Variants in CAMK1D observed in about 807,000 individuals in gnomAD.
The protein encoded by CAMK1D is calcium/calmodulin-dependent protein kinase type 1D.
Under a neutral mutation model 47.7 loss-of-function variants are expected in CAMK1D, and 9 were observed. The ratio of observed to expected loss-of-function variants is 0.19; its 90% CI spans 0.11 to 0.33. The LOEUF (loss-of-function observed/expected upper bound fraction) is 0.33. Among genes scored for constraint, CAMK1D ranks in the 10% least tolerant of loss-of-function variants. The pLI, the probability that CAMK1D is intolerant of heterozygous loss-of-function variation, is 1.00. For missense variants in CAMK1D, 291 were observed against 488.7 expected (o/e 0.60, Z 3.81); for synonymous variants, 184 against 184.9 (o/e 0.99, Z 0.04).
At chr10:12,473,308 G>A (rs1833804152) in intron 1 of CAMK1D, among the ~76,000 whole-genome samples, 1 of 152,046 alleles carries the variant, frequency 6.6e-6, no homozygotes, top group Admixed American at 6.6e-5. Context: ...TGGGTGTGGT[G>A]ATGTAATTCC....
chr10:12,734,580 A>T (rs1157804129), intron 3 of CAMK1D, among the ~76,000 whole-genome samples: 2 of 149,382 alleles, frequency 1.3e-5, no homozygotes, highest in East Asian at 3.9e-4. Context: ...GTATATATAT[A>T]TATAGACACA....
intron 8 of CAMK1D, among the ~76,000 whole-genome samples, chr10:12,823,260 C>T (rs1000667176): frequency 1.3e-5 from 2 of 152,208 alleles, no homozygotes; most frequent in Non-Finnish European, 2.9e-5. Context: ...CAGTTACCTT[C>T]CAGCCCATAA....
chr10:12,508,839 G>A (rs987866254), intron 1 of CAMK1D, among the ~76,000 whole-genome samples: 6 of 152,044 alleles, frequency 3.9e-5, no homozygotes, highest in East Asian at 1.9e-4. Context: ...ATGAAAATGC[G>A]GTGTCCTTCT....
chr10:12,500,135 G>A (rs1376970672), intron 1 of CAMK1D, among the ~76,000 whole-genome samples: 1 of 152,114 alleles, frequency 6.6e-6, no homozygotes, highest in Non-Finnish European at 1.5e-5. Context: ...GCGTAGTGGA[G>A]GGTGCCTGTA....
At chr10:12,579,181 T>G (rs368972266) in intron 2 of CAMK1D, among the ~76,000 whole-genome samples, 2 of 152,028 alleles carry the variant, frequency 1.3e-5, no homozygotes, top group Non-Finnish European at 2.9e-5. Flanking sequence ...AACAGCATGG[T>G]ATGGGCAGGG....
chr10:12,666,551 G>A (rs543832489), intron 2 of CAMK1D, among the ~76,000 whole-genome samples, 185 bp from the exon 3 acceptor site: 1 of 152,344 alleles, frequency 6.6e-6, no homozygotes, highest in African/African-American at 2.4e-5. Context: ...GAGGAATGGA[G>A]ATCAGGGAAG....
chr10:12,371,187 C>CCACTCACTCACT (rs370568920), intron 1 of CAMK1D, among the ~76,000 whole-genome samples: 49 of 151,994 alleles, frequency 3.2e-4, no homozygotes, highest in Admixed American at 4.6e-4. Context: ...CATTCACTCA[C>CCACTCACTCACT]CACTCACTCA....
rs139436790 is a variant in CAMK1D, at chr10:12,468,655, G to A, written c.93-84570G>A. 1.7e-3 allele frequency among the ~76,000 whole-genome samples: 259 copies of A among 152,290 alleles called. 1 individual carries two copies. The highest frequency in any genetic ancestry group is 6.0e-3 in the African/African-American group (251 of 41,544). On this transcript the variant is annotated intron_variant, in intron 1 of 10. Coordinates refer to ENST00000619168, the MANE Select transcript of CAMK1D (RefSeq NM_153498.4). ...TCTCTGGGGAGGGGCCAGCCCTCTG[G>A]TGGGGGCCCTTTGTGCCTATAACCC...
chr10:12,827,301 C>CTTTT (rs879536202), intron 10 of CAMK1D, among the ~76,000 whole-genome samples: 34,033 of 83,294 alleles, frequency 0.41, 4,705 homozygotes, highest in South Asian at 0.53. Context: ...CTTTCTTTCT[C>CTTTT]TCTCTTTTTC....
At chr10:12,742,090 C>T (rs1237565797) in intron 3 of CAMK1D, among the ~76,000 whole-genome samples, 2 of 152,174 alleles carry the variant, frequency 1.3e-5, no homozygotes, top group African/African-American at 4.8e-5. Flanking sequence ...CCTCTCTCTG[C>T]CTACGCCCAC....
intron 1 of CAMK1D, among the ~76,000 whole-genome samples, chr10:12,376,271 C>T (rs772381949): frequency 6.6e-6 from 1 of 151,900 alleles, no homozygotes; most frequent in Non-Finnish European, 1.5e-5. Context: ...GGGCCTTTAC[C>T]CCATCACCAA....
At chr10:12,619,479 G>A (rs751297414) in intron 2 of CAMK1D, among the ~76,000 whole-genome samples, 1 of 151,996 alleles carries the variant, frequency 6.6e-6, no homozygotes, top group Non-Finnish European at 1.5e-5. Flanking sequence ...GTAGAGGAAG[G>A]GTTTTACTGT....
chr10:12,372,751 C>T (rs1838041256), intron 1 of CAMK1D, among the ~76,000 whole-genome samples: 1 of 150,728 alleles, frequency 6.6e-6, no homozygotes, highest in Non-Finnish European at 1.5e-5. Context: ...ACCTCAGCCT[C>T]CCGAGTAGCT....
chr10:12,482,602 T>C (rs1248800040), intron 1 of CAMK1D, among the ~76,000 whole-genome samples: 1 of 152,144 alleles, frequency 6.6e-6, no homozygotes, highest in Non-Finnish European at 1.5e-5. Flanking sequence ...CTGCGGAACT[T>C]TTCCTGAGTG....
intron 1 of CAMK1D, among the ~76,000 whole-genome samples, chr10:12,488,509 G>A (rs1834281194): frequency 6.6e-6 from 1 of 152,114 alleles, no homozygotes; most frequent in East Asian, 1.9e-4. Context: ...GAAGACAAAT[G>A]TTTCCGTGGA....
intron 1 of CAMK1D, among the ~76,000 whole-genome samples, chr10:12,451,128 A>G (rs1434129671): frequency 2.6e-4 from 39 of 152,204 alleles, no homozygotes; most frequent in Admixed American, 2.6e-3. Flanking sequence ...GGAGATCAAA[A>G]TGTTAAATTC....
At chr10:12,373,273 A>G (rs1838057485) in intron 1 of CAMK1D, among the ~76,000 whole-genome samples, 1 of 151,150 alleles carries the variant, frequency 6.6e-6, no homozygotes, top group Non-Finnish European at 1.5e-5. Flanking sequence ...TGATCACGCC[A>G]TGGCACTCCA....
At chr10:12,535,703 T>G (rs1339316996) in intron 1 of CAMK1D, among the ~76,000 whole-genome samples, 2 of 152,222 alleles carry the variant, frequency 1.3e-5, no homozygotes, top group Non-Finnish European at 2.9e-5. Context: ...GTTTGGTGCT[T>G]GATTTTGGCT....
At position 12,735,473 on chromosome 10, in the gene CAMK1D, G is replaced by A. The variant is rs562046706; in HGVS notation, c.300-25475G>A. Among the ~76,000 whole-genome samples, 71 of 151,956 alleles carry A rather than the reference G, an allele frequency of 4.7e-4. 1 individual carries two copies. The Middle Eastern group carries it at 0.02, about 44-fold the overall frequency. On this transcript the variant is annotated intron_variant, in intron 3 of 10. Transcript: ENST00000619168. ...AGCCTGGGCGACAGAGCGAGACTCCGTCTCAAAAAAAAAAGAAAAGAAAGT... is the reference window on the plus strand; with the variant it reads ...AGCCTGGGCGACAGAGCGAGACTCCATCTCAAAAAAAAAAGAAAAGAAAGT...
Sources: gnomAD v4.1 joint callset for allele counts (sites outside exome capture counted in the v4.1 genomes callset) on GRCh38, gnomAD v4.1.1 for gene constraint, MANE v1.5 for transcripts, NCBI Gene and HGNC (gene_info 2026-07-23, HGNC 2026-07-21) for gene names.